The following SLC22A9 variants were observed in gnomAD, a reference collection of about 807,000 sequenced individuals.
The protein encoded by SLC22A9 is solute carrier family 22 member 9.
Under a neutral mutation model 50.1 loss-of-function variants are expected in SLC22A9, and 64 were observed. That is an observed-to-expected ratio of 1.28 (90% CI 1.04 to 1.57). The LOEUF (loss-of-function observed/expected upper bound fraction) is 1.57. Ranked by LOEUF, SLC22A9 falls within the 40% of genes most tolerant of loss-of-function variation. The pLI is 0.00. For missense variants in SLC22A9, 757 were observed against 676.1 expected (o/e 1.12, Z -1.33); for synonymous variants, 261 against 242.5 (o/e 1.08, Z -0.71).
At chr11:63,395,707 G>T (rs1010939749) in intron 6 of SLC22A9, among the ~76,000 whole-genome samples, 1 of 152,154 alleles carries the variant, frequency 6.6e-6, no homozygotes, top group Non-Finnish European at 1.5e-5. Flanking sequence ...CTGGCTGGGG[G>T]TGGCACTTTC....
At chr11:63,397,123 A>G (rs926316763) in intron 6 of SLC22A9, among the ~76,000 whole-genome samples, 4 of 152,238 alleles carry the variant, frequency 2.6e-5, no homozygotes, top group African/African-American at 9.6e-5. Context: ...CAGTTCTTGC[A>G]GACCCACAGA....
chr11:63,371,772 T>G (rs2014363904), intron 2 of SLC22A9, among the ~76,000 whole-genome samples: 1 of 152,214 alleles, frequency 6.6e-6, no homozygotes, highest in South Asian at 2.1e-4. Context: ...AAACAGCTTT[T>G]TAGAACCATG....
chr11:63,398,499 G>C (rs987383974), intron 6 of SLC22A9, among the ~76,000 whole-genome samples: 2 of 152,194 alleles, frequency 1.3e-5, no homozygotes, highest in Admixed American at 6.5e-5. Flanking sequence ...CCCAGATTCT[G>C]ACCACTGGGA....
At position 63,410,096 on chromosome 11, in the gene SLC22A9, G is replaced by A. The variant is rs139225776; in HGVS notation, c.*234G>A. On this transcript the variant is annotated 3_prime_UTR_variant, in exon 10 of 10. Coordinates refer to ENST00000279178, the MANE Select transcript of SLC22A9 (RefSeq NM_080866.3). ...TCTACTAAAACAAATACAAAACTTCGCTGGGCACAGTGGCACAGGCCTTTA... is the reference window on the plus strand; with the variant it reads ...TCTACTAAAACAAATACAAAACTTCACTGGGCACAGTGGCACAGGCCTTTA... The A allele has an allele frequency of 1.9e-3, 726 of 377,426 alleles. 6 individuals carry two copies. Among genetic ancestry groups the A allele is most frequent in the South Asian group, 0.01 (329 of 32,494 alleles). 23.4% of individuals were successfully genotyped at this position (377,426 alleles called of 1,614,324 possible). A position where few individuals can be genotyped will look rare whatever the true frequency, so the allele number is the denominator to read the frequency against.
intron 1 of SLC22A9, 52 bp downstream of exon 1, chr11:63,370,510 AAC>A: frequency 6.6e-7 from 1 of 1,507,322 alleles, no homozygotes; most frequent in Non-Finnish European, 8.9e-7. Flanking sequence ...TGTTTAGAAT[AAC>A]ACAAGTAATA....
chr11:63,377,724 T>C (rs992990173), intron 5 of SLC22A9, among the ~76,000 whole-genome samples: 4 of 151,858 alleles, frequency 2.6e-5, no homozygotes, highest in African/African-American at 7.3e-5. Flanking sequence ...CTGAGTGAAA[T>C]TGAGATGTAA....
chr11:63,392,600 G>T (rs1185391646), intron 6 of SLC22A9, among the ~76,000 whole-genome samples: 1 of 151,810 alleles, frequency 6.6e-6, no homozygotes, highest in Non-Finnish European at 1.5e-5. Flanking sequence ...AGATGTATAG[G>T]AGCTCCACTG....
Position 63,370,386 on chromosome 11 carries a change from C to A in SLC22A9, c.330C>A (p.Asp110Glu), listed in dbSNP as rs373197855. ...HLNGTFPNTSDADMEPCVDGW... is the reference protein window; with the variant it reads ...HLNGTFPNTSEADMEPCVDGW... ...ATGGGACCTTCCCCAACACAAGTGA[C>A]GCAGACATGGAGCCCTGTGTGGATG... The change falls in exon 1 of 10, where the codon GAC becomes GAA. Residue 110 changes from aspartate (D) to glutamate (E), a missense_variant. Asp to Glu is a conservative substitution (Grantham distance 45). Transcript: ENST00000279178. 6.2e-6 allele frequency: 10 copies of A among 1,613,622 alleles called. No individual in the cohort carries two copies. The South Asian group carries it at 1.1e-4, about 18-fold the overall frequency.
In SLC22A9 at chr11:63,410,211, C is replaced by T. The variant is rs990437738; in HGVS notation, c.*349C>T. ...GAGCCAAGATTGGGCCACTGCATTCCAGCCTGGTGACAGAGCGAGACTGTC... is the reference window on the plus strand; with the variant it reads ...GAGCCAAGATTGGGCCACTGCATTCTAGCCTGGTGACAGAGCGAGACTGTC... On this transcript the variant is annotated 3_prime_UTR_variant, in exon 10 of 10. Coordinates refer to ENST00000279178, the MANE Select transcript of SLC22A9 (RefSeq NM_080866.3). 2.5e-5 allele frequency: 3 copies of T among 119,018 alleles called. No individual in the cohort carries two copies. The highest frequency in any genetic ancestry group is 1.2e-4 in the African/African-American group (3 of 25,562). 7.4% of individuals were successfully genotyped at this position (119,018 alleles called of 1,614,324 possible). A position where few individuals can be genotyped will look rare whatever the true frequency, so the allele number is the denominator to read the frequency against.
rs1261578977 is a variant in SLC22A9, at chr11:63,403,824, TC to T, written c.1074-2672del. On this transcript the variant is annotated intron_variant, in intron 6 of 9. Coordinates refer to ENST00000279178, the MANE Select transcript of SLC22A9 (RefSeq NM_080866.3). ...TCATTATCAAAAATAAATAAATAAATCAATCAATCAATCAATAAATAAACAA... is the reference window on the plus strand; with the variant it reads ...TCATTATCAAAAATAAATAAATAAATAATCAATCAATCAATAAATAAACAA... Among the ~76,000 whole-genome samples the T allele has an allele frequency of 1.7e-3, 265 of 151,548 alleles. 1 individual carries two copies. The highest frequency in any genetic ancestry group is 3.1e-3 in the Non-Finnish European group (211 of 67,824).
Position 63,373,789 on chromosome 11 carries a change from A to G in SLC22A9, c.652A>G (p.Ile218Val), listed in dbSNP as rs199629285. ...IAAMSLITNT[I>V]MLIAEWATHR... ...TGCAATGAGCCTCATAACAAATACT[A>G]TTATGTTAAGTAAGCCAACACTTTG... is the stretch of plus-strand genomic sequence containing the variant. The change falls in exon 3 of 10, where the codon ATT becomes GTT. Residue 218 changes from isoleucine to valine, a missense_variant. Coordinates refer to ENST00000279178, the MANE Select transcript of SLC22A9 (RefSeq NM_080866.3). 5.0e-6 allele frequency: 8 copies of G among 1,608,488 alleles called. No individual in the cohort carries two copies. Among genetic ancestry groups the G allele is most frequent in the South Asian group, 4.4e-5 (4 of 89,990 alleles).
At chr11:63,409,466 T>C (rs1410295696) in intron 9 of SLC22A9, among the ~76,000 whole-genome samples, 5 of 151,704 alleles carry the variant, frequency 3.3e-5, no homozygotes, top group African/African-American at 4.8e-5. Flanking sequence ...CAAAAATATC[T>C]CATAACATTT....
chr11:63,406,545 T>A lies in SLC22A9; in HGVS notation c.1122T>A (p.His374Gln). ...AYFGLNLHVQ[H>Q]LGNNVFLLQT... is the part of the protein sequence containing the mutation. ...TTGGCCTTAATCTCCATGTCCAGCA[T>A]CTGGGGAACAATGTTTTCCTGTTGC... Residue 374 changes from histidine (H) to glutamine (Q), a missense_variant, in exon 7 of 10, where the codon CAT becomes CAA. His to Gln is a conservative substitution (Grantham distance 24). Coordinates refer to ENST00000279178, the MANE Select transcript of SLC22A9 (RefSeq NM_080866.3). 6.2e-7 allele frequency: 1 copy of A among 1,613,806 alleles called. No homozygotes were observed. Among genetic ancestry groups the A allele is most frequent in the Non-Finnish European group, 8.5e-7 (1 of 1,179,806 alleles).
At position 63,408,741 on chromosome 11, in the gene SLC22A9, T is replaced by A. The variant is rs2015083960; in HGVS notation, c.1463T>A (p.Met488Lys). Residue 488 changes from methionine to lysine, a missense_variant, in exon 9 of 10, where the codon ATG becomes AAG. By Grantham distance (95) the Met-to-Lys change is moderately conservative. Coordinates refer to ENST00000279178, the MANE Select transcript of SLC22A9 (RefSeq NM_080866.3). Reference sequence around the variant, plus strand: ...GCAGGAGCCCTGGCTCCCCTCATGATGATCCTAAGTGTGTATTCTCCACCC... The same window carrying A: ...GCAGGAGCCCTGGCTCCCCTCATGAAGATCCTAAGTGTGTATTCTCCACCC... ...NIAGALAPLM[M>K]ILSVYSPPLP... The A allele has an allele frequency of 6.2e-7, 1 of 1,613,942 alleles. No individual in the cohort carries two copies. Among genetic ancestry groups the A allele is most frequent in the African/African-American group, 1.3e-5 (1 of 74,934 alleles).
At position 63,408,099 on chromosome 11, in the gene SLC22A9, T is replaced by TG; in HGVS notation, c.1289-13_1289-12insG. On this transcript the variant is annotated splice_polypyrimidine_tract_variant and intron_variant, in intron 7 of 9. Coordinates refer to ENST00000279178, the MANE Select transcript of SLC22A9 (RefSeq NM_080866.3). ...TCAGATTTCCTGAGGCCTTGTGTTC[T>TG]TCCTTTCTCCAGAAATGCAGACGCT... 2 of 1,610,606 alleles carry TG rather than the reference T, an allele frequency of 1.2e-6. No individual in the cohort carries two copies. The highest frequency in any genetic ancestry group is 2.2e-5 in the East Asian group (1 of 44,818).
At chr11:63,398,236 TA>T (rs2119985533) in intron 6 of SLC22A9, among the ~76,000 whole-genome samples, 1 of 152,150 alleles carries the variant, frequency 6.6e-6, no homozygotes, top group South Asian at 2.1e-4. Flanking sequence ...GTGGCTGAAA[TA>T]GTATCCATGT....
intron 7 of SLC22A9, among the ~76,000 whole-genome samples, chr11:63,406,983 C>T (rs905616540): frequency 2.6e-5 from 4 of 152,190 alleles, no homozygotes; most frequent in Non-Finnish European, 5.9e-5. Flanking sequence ...AGTTTCTCTA[C>T]AACAGCAATC....
At chr11:63,381,016 A>C (rs974693606) in intron 5 of SLC22A9, among the ~76,000 whole-genome samples, 1 of 152,116 alleles carries the variant, frequency 6.6e-6, no homozygotes, top group Non-Finnish European at 1.5e-5. Flanking sequence ...TGGAAAATGG[A>C]TTTTATACAT....
intron 4 of SLC22A9, among the ~76,000 whole-genome samples, chr11:63,374,483 T>C (rs1478866832): frequency 6.6e-6 from 1 of 152,160 alleles, no homozygotes; most frequent in African/African-American, 2.4e-5. Context: ...GACATGCTTA[T>C]ACTAAAACAT....
Sources: gnomAD v4.1 joint callset for allele counts (sites outside exome capture counted in the v4.1 genomes callset) on GRCh38, gnomAD v4.1.1 for gene constraint, MANE v1.5 for transcripts, NCBI Gene and HGNC (gene_info 2026-07-23, HGNC 2026-07-21) for gene names.